PACRGL: variants seen among roughly 807,000 people sequenced by gnomAD.
PACRGL encodes the protein PACRG-like protein.
In PACRGL, 38 loss-of-function variants were observed where a neutral mutation model predicts 34.5. That is an observed-to-expected ratio of 1.10 (90% CI 0.85 to 1.44). The LOEUF (loss-of-function observed/expected upper bound fraction) is 1.44. Among genes scored for constraint, PACRGL ranks in the 40% most tolerant of loss-of-function variants. PACRGL has a pLI of 0.00. For missense variants in PACRGL, 305 were observed against 281.4 expected (o/e 1.08, Z -0.60); for synonymous variants, 128 against 100.1 (o/e 1.28, Z -1.66).
chr4:20,700,392 A>T (rs1019884644), upstream of PACRGL: 5 of 152,098 alleles, frequency 3.3e-5, no homozygotes, highest in African/African-American at 9.7e-5. Context: ...GGTTTAGACG[A>T]CGCAGCGTGC....
chr4:20,753,636 G>T (rs1464381393), downstream of PACRGL, among the ~76,000 whole-genome samples: 1 of 152,102 alleles, frequency 6.6e-6, no homozygotes, highest in East Asian at 1.9e-4. Context: ...TCACCTTCAT[G>T]TATTTGAATA....
chr4:20,737,598 G>C (rs78230230), intron 8 of PACRGL, among the ~76,000 whole-genome samples: 1,715 of 152,160 alleles, frequency 0.011, 14 homozygotes, highest in Non-Finnish European at 0.017. Flanking sequence ...GTTTCTGTCC[G>C]ATAGCTTTAG....
chr4:20,708,638 G>A (rs2149074328), intron 4 of PACRGL, among the ~76,000 whole-genome samples: 1 of 151,718 alleles, frequency 6.6e-6, no homozygotes, highest in Middle Eastern at 3.4e-3. Context: ...TTGCAAAAAT[G>A]TAAAAACAAT....
rs1171977762 is a variant in PACRGL, at chr4:20,731,450, T to TAACA, written c.*4110_*4113dup. 2 of 985,260 alleles carry TAACA rather than the reference T, an allele frequency of 2.0e-6. No homozygotes were observed. The allele number at this position is 985,260 out of a possible 1,614,324, so 61.0% of individuals were successfully genotyped here. On this transcript the variant is annotated 3_prime_UTR_variant, in exon 9 of 9. Transcript: ENST00000503585. The stretch of plus-strand genomic sequence containing the variant: ...AGTAAGCTAACACTGGTTTCTTTGA[T>TAACA]AACAGGCTACTACCTGGAGTTCTCT...
chr4:20,763,488 T>A, the PACRGL span, among the ~76,000 whole-genome samples: 1 of 152,154 alleles, frequency 6.6e-6, no homozygotes, highest in Admixed American at 6.6e-5. Context: ...ACATGGAAAC[T>A]TTTTATGGGC....
At chr4:20,723,052 G>A (rs1744093408) in intron 7 of PACRGL, among the ~76,000 whole-genome samples, 1 of 152,184 alleles carries the variant, frequency 6.6e-6, no homozygotes, top group African/African-American at 2.4e-5. Context: ...ATAAGAAGTA[G>A]GTGCGATGGT....
downstream of PACRGL, among the ~76,000 whole-genome samples, chr4:20,735,790 C>T (rs958175167): frequency 6.6e-6 from 1 of 152,122 alleles, no homozygotes; most frequent in African/African-American, 2.4e-5. Context: ...CCACCGCCGC[C>T]TCTCAAAGTG....
chr4:20,749,155 CA>C (rs1553888859), intron 8 of PACRGL, among the ~76,000 whole-genome samples: 27,551 of 128,646 alleles, frequency 0.21, 2,631 homozygotes, highest in Middle Eastern at 0.28. Flanking sequence ...GAGACTCTTT[CA>C]AAAAAAAAAA....
the PACRGL span, among the ~76,000 whole-genome samples, chr4:20,765,124 T>C: frequency 6.6e-6 from 1 of 152,182 alleles, no homozygotes; most frequent in South Asian, 2.1e-4. Flanking sequence ...TTCATATGCC[T>C]TTTACTATTC....
chr4:20,726,167 G>C (rs1210154642), intron 8 of PACRGL, among the ~76,000 whole-genome samples: 1 of 152,020 alleles, frequency 6.6e-6, no homozygotes, highest in African/African-American at 2.4e-5. Context: ...TGGGAGTGGA[G>C]GGGGTGTGGA....
chr4:20,714,643 G>A (rs1448591142), intron 7 of PACRGL, among the ~76,000 whole-genome samples: 1 of 152,128 alleles, frequency 6.6e-6, no homozygotes, highest in Non-Finnish European at 1.5e-5. Flanking sequence ...GGTACAGGTT[G>A]TTCCTTTCCA....
At chr4:20,732,887 T>A, downstream of PACRGL, 1 of 692,694 alleles carries the variant, frequency 1.4e-6, no homozygotes, top group East Asian at 2.8e-5. Flanking sequence ...AATTTTTGAC[T>A]TTTTGTTTGT....
chr4:20,721,074 T>G (rs940530251), intron 7 of PACRGL, among the ~76,000 whole-genome samples: 2 of 152,206 alleles, frequency 1.3e-5, no homozygotes, highest in Non-Finnish European at 2.9e-5. Context: ...TTTCATTCAT[T>G]TGATCTTCAA....
At chr4:20,758,199 T>C in the PACRGL span, among the ~76,000 whole-genome samples, 2 of 152,212 alleles carry the variant, frequency 1.3e-5, no homozygotes, top group Non-Finnish European at 2.9e-5. Context: ...CACTCATCTC[T>C]AACATGCATG....
downstream of PACRGL, among the ~76,000 whole-genome samples, chr4:20,754,649 T>G (rs1754198695): frequency 1.3e-5 from 2 of 152,214 alleles, no homozygotes; most frequent in Non-Finnish European, 2.9e-5. Context: ...TGCATTCAAT[T>G]AACATGAATA....
intron 3 of PACRGL, among the ~76,000 whole-genome samples, chr4:20,706,180 C>G (rs983926984): frequency 4.0e-5 from 6 of 151,662 alleles, no homozygotes; most frequent in Non-Finnish European, 8.8e-5. Context: ...ATAAAAAATT[C>G]TGATTTTGTG....
intron 2 of PACRGL, 32 bp downstream of exon 2, chr4:20,704,565 C>G: frequency 6.2e-7 from 1 of 1,613,328 alleles, no homozygotes; most frequent in Non-Finnish European, 8.5e-7. Context: ...GTGAAGAGGT[C>G]AAGTTTGTTC....
intron 7 of PACRGL, 93 bp from the exon 8 acceptor site, chr4:20,724,715 A>C: frequency 1.7e-6 from 1 of 583,528 alleles, no homozygotes; most frequent in Non-Finnish European, 2.6e-6. Context: ...TTGAAATCTA[A>C]AACAAGGGGT....
At chr4:20,737,274 C>G (rs1019085536), downstream of PACRGL, among the ~76,000 whole-genome samples, 3 of 143,702 alleles carry the variant, frequency 2.1e-5, no homozygotes, top group African/African-American at 8.0e-5. Context: ...GAGCATTTCC[C>G]TAGGAAAGGA....
Sources: gnomAD v4.1 joint callset for allele counts (sites outside exome capture counted in the v4.1 genomes callset) on GRCh38, gnomAD v4.1.1 for gene constraint, MANE v1.5 for transcripts, NCBI Gene and HGNC (gene_info 2026-07-23, HGNC 2026-07-21) for gene names.